Variants in P2RY8 observed in about 807,000 individuals in gnomAD.
P2RY8 encodes P2Y receptor family member 8, also known as S-geranylgeranyl-glutathione receptor P2RY8.
A neutral mutation model predicts 10.0 loss-of-function variants in P2RY8; 6 were observed. The ratio of observed to expected loss-of-function variants is 0.60; its 90% confidence interval spans 0.33 to 1.19. The LOEUF is 1.19. P2RY8 is among the 50% of genes most tolerant of loss of function. The pLI is 0.04. For synonymous variants in P2RY8, 276 were observed against 252.5 expected (o/e 1.09, Z -0.88); for missense variants, 456 against 542.0 (o/e 0.84, Z 1.58).
chrX:1,477,061 T>A (rs1282162234), intron 1 of P2RY8, among the ~76,000 whole-genome samples: 1 of 151,942 alleles, frequency 6.6e-6, no homozygotes, highest in African/African-American at 2.4e-5. Flanking sequence ...TGGTGGCGGG[T>A]GCCTCTAATC....
chrX:1,474,019 ATGGGAGGG>A (rs2091840635), intron 1 of P2RY8, among the ~76,000 whole-genome samples: 1 of 128,838 alleles, frequency 7.8e-6, no homozygotes, highest in Non-Finnish European at 1.6e-5. Context: ...GGGTGGGTGG[ATGGGAGGG>A]TGGATGGGTG....
At position 1,464,177 on chromosome X, in the gene P2RY8, A is replaced by T. The variant is rs1240748405; in HGVS notation, c.*1302T>A. On this transcript the variant is annotated 3_prime_UTR_variant, in exon 2 of 2. Coordinates refer to ENST00000381297, the MANE Select transcript of P2RY8 (RefSeq NM_178129.5). ...GCAGACAGGCAGCTCTCCCACTCCC[A>T]CCTCCAGAATGGTCTTTCTCGCCCA... 1 of 233,148 alleles carries T rather than the reference A, an allele frequency of 4.3e-6. No individual in the cohort carries two copies. Among genetic ancestry groups the T allele is most frequent in the Non-Finnish European group, 8.5e-6 (1 of 118,130 alleles). The allele number at this position is 233,148 out of a possible 1,614,324, so 14.4% of individuals were successfully genotyped here.
chrX:1,470,786 C>A (rs767185005), intron 1 of P2RY8, among the ~76,000 whole-genome samples: 10 of 152,040 alleles, frequency 6.6e-5, no homozygotes, highest in African/African-American at 1.9e-4. Context: ...TGTGGATAGA[C>A]CACATTCTGT....
intron 1 of P2RY8, among the ~76,000 whole-genome samples, chrX:1,477,287 A>G (rs1326768376): frequency 5.4e-5 from 4 of 74,414 alleles, no homozygotes; most frequent in Admixed American, 2.6e-4. Flanking sequence ...ATCATCTATC[A>G]TCTATCTATA....
At chrX:1,485,187 G>C (rs1378477286) in intron 1 of P2RY8, among the ~76,000 whole-genome samples, 1 of 151,816 alleles carries the variant, frequency 6.6e-6, no homozygotes, top group African/African-American at 2.4e-5. Context: ...GTCCAGGCTG[G>C]AGTGCAGTGG....
In P2RY8 at chrX:1,508,237, CT is replaced by C. The variant is rs777102976; in HGVS notation, c.-25+28683del. On this transcript the variant is annotated intron_variant, in intron 1 of 1. Coordinates refer to ENST00000381297, the MANE Select transcript of P2RY8 (RefSeq NM_178129.5). ...GTCAGCTGGGGAGGTGGCGTTCATGCTGCCATTAACCAGGCTGAGTGTTGAT... is the reference window on the plus strand; with the variant it reads ...GTCAGCTGGGGAGGTGGCGTTCATGCGCCATTAACCAGGCTGAGTGTTGAT... Among the ~76,000 whole-genome samples the C allele has an allele frequency of 2.6e-5, 4 of 152,314 alleles. No homozygotes were observed. The South Asian group carries it at 8.3e-4, about 32-fold the overall frequency.
At chrX:1,479,842 A>G (rs140421281) in intron 1 of P2RY8, among the ~76,000 whole-genome samples, 1 of 152,218 alleles carries the variant, frequency 6.6e-6, no homozygotes, top group Non-Finnish European at 1.5e-5. Context: ...CATTAAAAAG[A>G]TCATAAAGAA....
intron 1 of P2RY8, among the ~76,000 whole-genome samples, chrX:1,470,179 T>G (rs1318080265): frequency 2.0e-5 from 3 of 149,738 alleles, no homozygotes; most frequent in Non-Finnish European, 3.0e-5. Flanking sequence ...GCCAACATGG[T>G]GAAATCCTGT....
intron 1 of P2RY8, among the ~76,000 whole-genome samples, chrX:1,528,148 G>C (rs1174168164): frequency 1.3e-4 from 20 of 152,218 alleles, no homozygotes; most frequent in Admixed American, 4.6e-4. Flanking sequence ...GAAGTTTCCT[G>C]TGTTCATGCC....
intron 1 of P2RY8, among the ~76,000 whole-genome samples, chrX:1,507,700 G>A (rs375647788): frequency 1.5e-3 from 225 of 152,270 alleles, no homozygotes; most frequent in African/African-American, 5.3e-3. Context: ...GACTTCCCAT[G>A]TCTCCCTGCC....
At chrX:1,482,961 G>T (rs2091952126) in intron 1 of P2RY8, among the ~76,000 whole-genome samples, 1 of 151,788 alleles carries the variant, frequency 6.6e-6, no homozygotes, top group African/African-American at 2.4e-5. Flanking sequence ...GGGGACGGGG[G>T]AGGGATAGCA....
chrX:1,503,956 T>C (rs184442727), intron 1 of P2RY8, among the ~76,000 whole-genome samples: 2,619 of 151,324 alleles, frequency 0.017, 79 homozygotes, highest in African/African-American at 0.06. Context: ...CTGAATAGAC[T>C]GTAATCATGT....
intron 1 of P2RY8, among the ~76,000 whole-genome samples, chrX:1,485,071 C>T (rs763701758): frequency 4.8e-4 from 70 of 147,240 alleles, no homozygotes; most frequent in South Asian, 3.7e-3. Flanking sequence ...TCAAGAAATC[C>T]TCCTGCCTCA....
chrX:1,468,127 G>C (rs1379757368), intron 1 of P2RY8, among the ~76,000 whole-genome samples: 1 of 133,394 alleles, frequency 7.5e-6, no homozygotes, highest in Non-Finnish European at 1.6e-5. Context: ...CTGTAGACAT[G>C]GGGTTTGGCT....
chrX:1,486,387 A>T (rs2091986866), intron 1 of P2RY8, among the ~76,000 whole-genome samples: 1 of 152,014 alleles, frequency 6.6e-6, no homozygotes, highest in South Asian at 2.1e-4. Flanking sequence ...TACAGCCATG[A>T]AAAGGAAGAA....
At chrX:1,467,835 C>A (rs142265755) in intron 1 of P2RY8, among the ~76,000 whole-genome samples, 3 of 150,342 alleles carry the variant, frequency 2.0e-5, no homozygotes, top group Admixed American at 6.6e-5. Context: ...AGTACAACCA[C>A]GCCCAGCTAA....
At chrX:1,536,323 G>A (rs1366749552) in intron 1 of P2RY8, among the ~76,000 whole-genome samples, 6 of 151,394 alleles carry the variant, frequency 4.0e-5, no homozygotes, top group East Asian at 1.9e-4. Flanking sequence ...GTGCAGTGGC[G>A]TGATCTCTGC....
intron 1 of P2RY8, among the ~76,000 whole-genome samples, chrX:1,471,462 C>A (rs2091786079): frequency 9.9e-6 from 1 of 100,790 alleles, no homozygotes; most frequent in Admixed American, 9.2e-5. Flanking sequence ...TCACACCCAG[C>A]CCATTTTTTT....
intron 1 of P2RY8, among the ~76,000 whole-genome samples, chrX:1,500,761 A>G (rs1352639986): frequency 6.6e-6 from 1 of 152,044 alleles, no homozygotes; most frequent in African/African-American, 2.4e-5. Context: ...TTAATTCTTT[A>G]GAAGTCAACA....
Sources: allele counts gnomAD v4.1 joint callset (sites outside exome capture counted in the v4.1 genomes callset), GRCh38; gene constraint gnomAD v4.1.1; transcripts MANE v1.5; gene names NCBI Gene and HGNC (gene_info 2026-07-23, HGNC 2026-07-21).